Variants in EPDR1 observed in about 807,000 individuals in gnomAD.
EPDR1 encodes the protein mammalian ependymin-related protein 1.
EPDR1 carries 27 observed loss-of-function variants against 23.7 expected under a neutral mutation model. The ratio of observed to expected loss-of-function variants is 1.14; its 90% CI spans 0.84 to 1.57. The LOEUF (loss-of-function observed/expected upper bound fraction) is 1.57. Among genes scored for constraint, EPDR1 ranks in the 40% most tolerant of loss-of-function variants. The pLI, the probability that EPDR1 is intolerant of heterozygous loss-of-function variation, is 0.00. For missense variants in EPDR1, 349 were observed against 290.4 expected, an observed-to-expected ratio of 1.20 and a Z score of -1.47; for synonymous variants, 137 against 118.2, an observed-to-expected ratio of 1.16 and a Z score of -1.03.
chr7:37,930,489 G>A (rs1437833702), intron 1 of EPDR1, among the ~76,000 whole-genome samples: 2 of 152,250 alleles, frequency 1.3e-5, no homozygotes, highest in Admixed American at 1.3e-4. Flanking sequence ...ATCAGGTGCT[G>A]TATCTTGGCA....
intron 1 of EPDR1, among the ~76,000 whole-genome samples, chr7:37,925,409 T>C (rs2131999665): frequency 6.6e-6 from 1 of 152,342 alleles, no homozygotes; most frequent in African/African-American, 2.4e-5. Context: ...CAGTCGTACA[T>C]GTTCTATTAA....
At chr7:37,929,310 A>G (rs1562857939) in intron 1 of EPDR1, among the ~76,000 whole-genome samples, 1 of 152,186 alleles carries the variant, frequency 6.6e-6, no homozygotes, top group East Asian at 1.9e-4. Flanking sequence ...CCGTAAGGCC[A>G]GGGGTTTTGT....
chr7:37,933,243 T>C (rs1026144967), intron 1 of EPDR1, among the ~76,000 whole-genome samples: 1 of 152,228 alleles, frequency 6.6e-6, no homozygotes, highest in Non-Finnish European at 1.5e-5. Context: ...TCTATTATAG[T>C]GCGTATTAAA....
intron 1 of EPDR1, among the ~76,000 whole-genome samples, chr7:37,931,369 C>T (rs1583664382): frequency 6.6e-6 from 1 of 152,084 alleles, no homozygotes; most frequent in African/African-American, 2.4e-5. Context: ...CAAAAATTAG[C>T]CAGGCATGGT....
chr7:37,926,930 C>T (rs1223821542), intron 1 of EPDR1, among the ~76,000 whole-genome samples: 3 of 152,070 alleles, frequency 2.0e-5, no homozygotes, highest in Non-Finnish European at 4.4e-5. Context: ...TATTTGCTCT[C>T]GTTGTTTACT....
chr7:37,943,304 C>T (rs1357908284), intron 1 of EPDR1, among the ~76,000 whole-genome samples: 2 of 152,226 alleles, frequency 1.3e-5, no homozygotes, highest in African/African-American at 4.8e-5. Context: ...AGTCTTTGAT[C>T]TCGCCTCCAG....
intron 1 of EPDR1, among the ~76,000 whole-genome samples, chr7:37,940,779 T>C (rs1400760276): frequency 2.0e-5 from 3 of 149,850 alleles, no homozygotes; most frequent in Non-Finnish European, 3.0e-5. Context: ...AAATGGAAAA[T>C]ATCTATATGA....
In EPDR1 at chr7:37,948,992, G is replaced by T; in HGVS notation, c.422G>T (p.Gly141Val). The T allele has an allele frequency of 6.2e-7, 1 of 1,614,116 alleles. No individual in the cohort carries two copies. The highest frequency in any genetic ancestry group is 1.1e-5 in the South Asian group (1 of 91,070). ...STFEDQYSIG[G>V]PQEQITVQEW... Reference sequence around the variant, plus strand: ...TTTGAAGACCAGTACTCCATCGGGGGGCCTCAGGAGCAGATCACCGTCCAG... The same window carrying T: ...TTTGAAGACCAGTACTCCATCGGGGTGCCTCAGGAGCAGATCACCGTCCAG... The change falls in exon 2 of 3, where the codon GGG becomes GTG. Residue 141 changes from glycine to valine, a missense_variant. Gly to Val is a moderately radical substitution (Grantham distance 109). Coordinates refer to ENST00000199448, the MANE Select transcript of EPDR1 (RefSeq NM_017549.5).
intron 1 of EPDR1, among the ~76,000 whole-genome samples, chr7:37,947,752 A>G (rs1249106384): frequency 6.6e-6 from 1 of 152,228 alleles, no homozygotes; most frequent in Non-Finnish European, 1.5e-5. Flanking sequence ...GCATAGAAAC[A>G]CAGCAGGCTT....
chr7:37,951,554 G>T lies in EPDR1; in HGVS notation c.*1158G>T, dbSNP rs1411792133. ...TTTATATCCCTAGCACAAAGCAAGT[G>T]CCTGGCACATAGTCAGTGCCCTAAG... On this transcript the variant is annotated 3_prime_UTR_variant, in exon 3 of 3. Coordinates refer to ENST00000199448, the MANE Select transcript of EPDR1 (RefSeq NM_017549.5). 1 of 152,246 alleles carries T rather than the reference G, an allele frequency of 6.6e-6. No homozygotes were observed. Among genetic ancestry groups the T allele is most frequent in the African/African-American group, 2.4e-5 (1 of 41,460 alleles). 9.4% of individuals were successfully genotyped at this position (152,246 alleles called of 1,614,324 possible). A position where few individuals can be genotyped will look rare whatever the true frequency, so the allele number is the denominator to read the frequency against.
chr7:37,924,900 A>G (rs1217530448), intron 1 of EPDR1, among the ~76,000 whole-genome samples: 5 of 152,194 alleles, frequency 3.3e-5, no homozygotes, highest in African/African-American at 1.2e-4. Context: ...TTGAGAAGTA[A>G]GTTTTAGAAT....
At chr7:37,942,135 A>G (rs1228507531) in intron 1 of EPDR1, among the ~76,000 whole-genome samples, 5 of 152,220 alleles carry the variant, frequency 3.3e-5, no homozygotes, top group East Asian at 3.8e-4. Context: ...AGTATAGTAC[A>G]TATTGAAAAA....
chr7:37,926,740 T>C, intron 1 of EPDR1: 1 of 451,708 alleles, frequency 2.2e-6, no homozygotes, highest in Non-Finnish European at 4.5e-6. Context: ...TTCACTTTGA[T>C]CACCTGATTG....
At chr7:37,943,481 T>C (rs1379119075) in intron 1 of EPDR1, among the ~76,000 whole-genome samples, 2 of 152,244 alleles carry the variant, frequency 1.3e-5, no homozygotes, top group African/African-American at 4.8e-5. Context: ...CAGAGACTTA[T>C]GTCCTAACTG....
At position 37,939,473 on chromosome 7, in the gene EPDR1, A is replaced by G. The variant is rs117756871; in HGVS notation, c.270-9367A>G. 1.5e-3 allele frequency among the ~76,000 whole-genome samples: 226 copies of G among 152,306 alleles called. 1 individual carries two copies. In the East Asian group the frequency reaches 0.04, roughly 27 times the overall value. On this transcript the variant is annotated intron_variant, in intron 1 of 2. Transcript: ENST00000199448. ...TTCACCATTCTGCCACTTGAGCCTT[A>G]TAATAAATTTAATATTTGTTCTTGC...
rs35752051 is a variant in EPDR1 at position 37,937,985 on chromosome 7, A to ATTTTTTTTTTTTTTTTTTTT, written c.270-10851_270-10832dup. 6.9e-4 allele frequency among the ~76,000 whole-genome samples: 50 copies of ATTTTTTTTTTTTTTTTTTTT among 72,398 alleles called. 8 individuals carry two copies. The highest frequency in any genetic ancestry group is 1.1e-3 in the Non-Finnish European group (42 of 37,612). 47.5% of individuals were successfully genotyped at this position (72,398 alleles called of 152,430 possible). A position where few individuals can be genotyped will look rare whatever the true frequency, so the allele number is the denominator to read the frequency against. On this transcript the variant is annotated intron_variant, in intron 1 of 2. Coordinates refer to ENST00000199448, the MANE Select transcript of EPDR1 (RefSeq NM_017549.5). ...CTGAAGAAAAATGGGTGCCCTTTAA[A>ATTTTTTTTTTTTTTTTTTTT]TTTTTTTTTTTTTTTTTTTTTTTGA...
At chr7:37,939,201 G>C (rs2472658) in intron 1 of EPDR1, among the ~76,000 whole-genome samples, 1 of 151,692 alleles carries the variant, frequency 6.6e-6, no homozygotes, top group Admixed American at 6.6e-5. Context: ...GGATGGTCTC[G>C]ATCTCCTGAC....
chr7:37,924,615 C>A (rs1288086469), intron 1 of EPDR1, among the ~76,000 whole-genome samples: 1 of 152,180 alleles, frequency 6.6e-6, no homozygotes, highest in African/African-American at 2.4e-5. Context: ...CTGCCCTAAT[C>A]CAATAGGTGC....
chr7:37,942,764 A>G (rs986609268), intron 1 of EPDR1, among the ~76,000 whole-genome samples: 1 of 151,932 alleles, frequency 6.6e-6, no homozygotes, highest in African/African-American at 2.4e-5. Flanking sequence ...TTTTATATTG[A>G]TCATGAATCT....
Sources: gnomAD v4.1 joint callset for allele counts (sites outside exome capture counted in the v4.1 genomes callset) on GRCh38, gnomAD v4.1.1 for gene constraint, MANE v1.5 for transcripts, NCBI Gene and HGNC (gene_info 2026-07-23, HGNC 2026-07-21) for gene names.